The following PHRF1 variants were observed in gnomAD, a reference collection of about 807,000 sequenced individuals.
PHRF1 encodes PHD and RING finger domain-containing protein 1.
A neutral mutation model predicts 128.9 loss-of-function variants in PHRF1; 53 were observed. The observed-to-expected ratio is 0.41, with a 90% CI of 0.33 to 0.52. The LOEUF is 0.52. Among genes scored for constraint, PHRF1 ranks in the 20% least tolerant of loss-of-function variants. The pLI is 0.21. For missense variants in PHRF1, 2,503 were observed against 2,284.5 expected (o/e 1.10, Z -1.95); for synonymous variants, 1,178 against 980.6 (o/e 1.20, Z -3.76).
intron 3 of PHRF1, among the ~76,000 whole-genome samples, chr11:585,235 C>T (rs1262167264): frequency 6.6e-6 from 1 of 151,648 alleles, no homozygotes; most frequent in Non-Finnish European, 1.5e-5. Flanking sequence ...GGTAGTAGCC[C>T]TTTCCAGCTT....
chr11:599,519 G>A (rs1855507838), intron 9 of PHRF1, among the ~76,000 whole-genome samples: 1 of 152,112 alleles, frequency 6.6e-6, no homozygotes, highest in African/African-American at 2.4e-5. Flanking sequence ...CCAAAGTGCT[G>A]GGATTACAGG....
chr11:591,591 A>G (rs1036985977), intron 5 of PHRF1, 124 bp downstream of exon 5: 8 of 837,388 alleles, frequency 9.6e-6, no homozygotes, highest in South Asian at 2.0e-5. Flanking sequence ...CTTCATAGAA[A>G]TCAACTCAAG....
intron 4 of PHRF1, among the ~76,000 whole-genome samples, chr11:589,118 G>A (rs1472530835): frequency 6.6e-6 from 1 of 150,626 alleles, no homozygotes; most frequent in Non-Finnish European, 1.5e-5. Flanking sequence ...CCCGGCGACA[G>A]AGCAAGACAC....
At chr11:592,754 C>A (rs182207558) in intron 6 of PHRF1, 80 bp downstream of exon 6, 1 of 1,470,554 alleles carries the variant, frequency 6.8e-7, no homozygotes, top group Non-Finnish European at 9.5e-7. Flanking sequence ...AGAGCCTCTT[C>A]GCTCTGTGAA....
chr11:609,255 G>A lies in PHRF1; in HGVS notation c.3799G>A (p.Ala1267Thr). The A allele has an allele frequency of 1.2e-6, 2 of 1,611,798 alleles. No homozygotes were observed. Among genetic ancestry groups the A allele is most frequent in the Non-Finnish European group, 1.7e-6 (2 of 1,179,892 alleles). ...LDLDYGDSVE[A>T]GHVFDDFSSD... ...CCTGGATTATGGCGACTCCGTGGAG[G>A]CCGGACACGTCTTTGATGATTTCTC... The change falls in exon 14 of 18, where the codon GCC (alanine) becomes ACC (threonine). Residue 1267 changes from alanine (A) to threonine (T), a missense_variant. Physicochemically the swap from Ala to Thr is moderately conservative, Grantham distance 58. Coordinates refer to ENST00000264555, the MANE Select transcript of PHRF1 (RefSeq NM_001286581.2).
chr11:578,203 C>G (rs1451604805), intron 1 of PHRF1, among the ~76,000 whole-genome samples: 3 of 152,206 alleles, frequency 2.0e-5, no homozygotes, highest in African/African-American at 7.2e-5. Flanking sequence ...GGTCTTGTGC[C>G]TGGTGCTTGT....
At chr11:586,245 G>C (rs186165486) in intron 3 of PHRF1, among the ~76,000 whole-genome samples, 2 of 152,060 alleles carry the variant, frequency 1.3e-5, no homozygotes, top group Non-Finnish European at 2.9e-5. Context: ...GCCCACCTCA[G>C]CCTCCCAAAG....
chr11:591,775 C>G (rs1456634978), intron 5 of PHRF1, among the ~76,000 whole-genome samples: 1 of 152,200 alleles, frequency 6.6e-6, no homozygotes, highest in Non-Finnish European at 1.5e-5. Flanking sequence ...GAGACACCAT[C>G]TTGCTCTTTC....
chr11:607,447 G>A lies in PHRF1; in HGVS notation c.1991G>A (p.Gly664Glu), dbSNP rs750996892. 1 of 1,612,828 alleles carries A rather than the reference G, an allele frequency of 6.2e-7. No homozygotes were observed. Among genetic ancestry groups the A allele is most frequent in the Non-Finnish European group, 8.5e-7 (1 of 1,179,884 alleles). ...CCCCCATGTCGCAGTGTGGTGCCGG[G>A]GCCTCCCCTGAAGCCAGCGCCCAGA... ...SKPPCRSVVP[G>E]PPLKPAPRRT... Residue 664 changes from glycine (G) to glutamate (E), a missense_variant, in exon 14 of 18, where the codon GGG (glycine) becomes GAG (glutamate). By Grantham distance (98) the Gly-to-Glu change is moderately conservative. Transcript: ENST00000264555.
At chr11:581,346 G>A in intron 1 of PHRF1, 146 bp from the exon 2 acceptor site, 1 of 651,114 alleles carries the variant, frequency 1.5e-6, no homozygotes. Context: ...GTTGTTCTGT[G>A]GGTGATATCT....
At position 610,548 on chromosome 11, in the gene PHRF1, C is replaced by T. The variant is rs1381870599; in HGVS notation, c.4464C>T (p.Ile1488=). 1.2e-6 allele frequency: 2 copies of T among 1,606,062 alleles called. No homozygotes were observed. Among genetic ancestry groups the T allele is most frequent in the South Asian group, 2.2e-5 (2 of 91,056 alleles). The change falls in exon 16 of 18, where the codon ATC becomes ATT. Residue 1488 remains isoleucine (I), a synonymous_variant. Coordinates refer to ENST00000264555, the MANE Select transcript of PHRF1 (RefSeq NM_001286581.2). ...LPPAPAQPSS[I]PPCALVSQPT... is the part of the protein sequence containing the mutation. ...CTGCCCCGGCCCAGCCCTCAAGCAT[C>T]CCACCCTGCGCACTGGTCAGCCAGC...
intron 10 of PHRF1, among the ~76,000 whole-genome samples, chr11:602,005 G>A (rs1406658574): frequency 6.6e-6 from 1 of 152,216 alleles, no homozygotes; most frequent in Non-Finnish European, 1.5e-5. Flanking sequence ...GGAGCCAGGT[G>A]TGAGCCAGGC....
Position 587,528 on chromosome 11 carries a change from C to T in PHRF1, c.420+64C>T, listed in dbSNP as rs545328961. On this transcript the variant is annotated intron_variant, in intron 4 of 17. Transcript: ENST00000264555. ...ATGGCCTCCCTGTTTATAGGTGACC[C>T]AGCCTGTGTTCAGCCTCTTGTGAGG... 81 of 1,532,050 alleles carry T rather than the reference C, an allele frequency of 5.3e-5. 1 individual carries two copies. In the East Asian group the frequency reaches 1.8e-3, roughly 33 times the overall value. 94.9% of individuals were successfully genotyped at this position (1,532,050 alleles called of 1,614,324 possible).
intron 11 of PHRF1, 33 bp from the exon 12 acceptor site, chr11:605,572 C>T (rs1253394554): frequency 6.2e-7 from 1 of 1,608,342 alleles, no homozygotes; most frequent in Non-Finnish European, 8.5e-7. Flanking sequence ...CTGGGAGTCA[C>T]TTGTTCCCTT....
In PHRF1 at chr11:606,482, G is replaced by T; in HGVS notation, c.1495G>T (p.Glu499Ter). The change falls in exon 13 of 18, where the codon GAG becomes TAG. Residue 499 changes from glutamate to a stop codon, truncating the protein, a stop_gained. Transcript: ENST00000264555. LOFTEE classifies it high-confidence loss of function. ...PAAVPEPDLE[E>*]EPVPDLLGSI... ...CGCGGTGCCAGAGCCAGACTTGGAG[G>T]AGGAGCCAGTGCCTGACCTGCTGGG... 6.3e-7 allele frequency: 1 copy of T among 1,593,244 alleles called. No homozygotes were observed. Among genetic ancestry groups the T allele is most frequent in the Non-Finnish European group, 8.5e-7 (1 of 1,173,486 alleles).
chr11:582,874 A>G (rs1271947148), intron 3 of PHRF1, among the ~76,000 whole-genome samples: 10 of 151,470 alleles, frequency 6.6e-5, no homozygotes, highest in Non-Finnish European at 1.3e-4. Flanking sequence ...CTCTACTACA[A>G]ATACAAAAAA....
At position 611,880 on chromosome 11, in the gene PHRF1, C is replaced by T. The variant is rs954903437; in HGVS notation, c.*103C>T. On this transcript the variant is annotated 3_prime_UTR_variant, in exon 18 of 18. Transcript: ENST00000264555. ...GAGTGGCGGGAATCGGGGCCATGCC[C>T]GGGGAGCTGTCGGGAGTGGCGGGAA... is the stretch of plus-strand genomic sequence containing the variant. The T allele has an allele frequency of 5.1e-5, 75 of 1,478,438 alleles. No homozygotes were observed. In the African/African-American group the frequency reaches 7.9e-4, roughly 16 times the overall value. 91.6% of individuals were successfully genotyped at this position (1,478,438 alleles called of 1,614,324 possible).
At chr11:598,222 G>C in intron 8 of PHRF1, 151 bp from the exon 9 acceptor site, 1 of 1,173,210 alleles carries the variant, frequency 8.5e-7, no homozygotes, top group Non-Finnish European at 1.2e-6. Context: ...GGGAGAGGAA[G>C]GCCGGGCCGT....
At position 601,568 on chromosome 11, in the gene PHRF1, C is replaced by T. The variant is rs1855628152; in HGVS notation, c.1025-6C>T. The T allele has an allele frequency of 3.7e-6, 6 of 1,613,648 alleles. No homozygotes were observed. The highest frequency in any genetic ancestry group is 5.1e-6 in the Non-Finnish European group (6 of 1,179,868). On this transcript the variant is annotated splice_region_variant and splice_polypyrimidine_tract_variant and intron_variant, in intron 9 of 17. Coordinates refer to ENST00000264555, the MANE Select transcript of PHRF1 (RefSeq NM_001286581.2). ...AGAAGCACAGACTTCAACCTCTTTT[C>T]CTTAGGAAGACGGAAGAAAGTGCCG...
Sources: gnomAD v4.1 joint callset for allele counts (sites outside exome capture counted in the v4.1 genomes callset) on GRCh38, gnomAD v4.1.1 for gene constraint, MANE v1.5 for transcripts, NCBI Gene and HGNC (gene_info 2026-07-23, HGNC 2026-07-21) for gene names.